Variants in SMYD3 observed in about 807,000 individuals in gnomAD.
SMYD3 encodes the protein SET and MYND domain containing 3, also known as histone-lysine N-methyltransferase SMYD3.
In SMYD3, 36 loss-of-function variants were observed where a neutral mutation model predicts 57.7. The observed-to-expected ratio is 0.62, with a 90% confidence interval of 0.48 to 0.82. SMYD3 has a LOEUF of 0.82. Among genes scored for constraint, SMYD3 ranks in the 40% least tolerant of loss-of-function variants. SMYD3 has a pLI of 0.00. For synonymous variants in SMYD3, 211 were observed against 195.0 expected (o/e 1.08, Z -0.68); for missense variants, 515 against 538.8 (o/e 0.96, Z 0.44).
intron 5 of SMYD3, among the ~76,000 whole-genome samples, chr1:246,039,236 C>T (rs1468120806): frequency 6.6e-6 from 1 of 152,162 alleles, no homozygotes; most frequent in African/African-American, 2.4e-5. Context: ...CAATTGTAGT[C>T]GGTTGCTCTG....
chr1:246,431,511 C>T (rs544801671), intron 1 of SMYD3, among the ~76,000 whole-genome samples: 9 of 152,298 alleles, frequency 5.9e-5, no homozygotes, highest in South Asian at 2.1e-4. Context: ...GGGTGGATGG[C>T]TTGAAGCCAG....
intron 5 of SMYD3, among the ~76,000 whole-genome samples, chr1:246,009,805 C>CTTTTTT (rs74163100): frequency 4.0e-5 from 3 of 75,606 alleles, no homozygotes; most frequent in East Asian, 3.9e-4. Context: ...CATGTAAGAT[C>CTTTTTT]TTTTTTTTTT....
At chr1:246,281,353 C>A (rs2064437524) in intron 5 of SMYD3, among the ~76,000 whole-genome samples, 1 of 152,198 alleles carries the variant, frequency 6.6e-6, no homozygotes, top group South Asian at 2.1e-4. Flanking sequence ...GATTGGCAAC[C>A]TACTATGTGC....
chr1:246,065,199 G>C (rs968235199), intron 5 of SMYD3, among the ~76,000 whole-genome samples: 4 of 152,196 alleles, frequency 2.6e-5, no homozygotes, highest in Non-Finnish European at 4.4e-5. Context: ...TACAAAAAGA[G>C]CTATTTTCCT....
chr1:246,348,947 T>C (rs1398114876), intron 2 of SMYD3, among the ~76,000 whole-genome samples: 1 of 151,786 alleles, frequency 6.6e-6, no homozygotes, highest in Non-Finnish European at 1.5e-5. Flanking sequence ...AATAAAGTAC[T>C]GAGAGAAAAA....
intron 5 of SMYD3, among the ~76,000 whole-genome samples, chr1:246,041,379 G>A (rs1042093427): frequency 3.3e-5 from 5 of 152,174 alleles, no homozygotes; most frequent in Non-Finnish European, 7.3e-5. Context: ...CCTCAGTGCG[G>A]ACTTCAAAAT....
intron 5 of SMYD3, among the ~76,000 whole-genome samples, chr1:246,171,839 C>T (rs2062340225): frequency 6.6e-6 from 1 of 152,012 alleles, no homozygotes; most frequent in African/African-American, 2.4e-5. Context: ...AGCAAGACCT[C>T]AACTCTAGAA....
At chr1:246,488,540 G>T (rs1337232948) in intron 1 of SMYD3, among the ~76,000 whole-genome samples, 1 of 152,152 alleles carries the variant, frequency 6.6e-6, no homozygotes, top group African/African-American at 2.4e-5. Flanking sequence ...TACAAAATTA[G>T]CCAGGTGTGG....
At chr1:246,220,777 G>T (rs992747523) in intron 5 of SMYD3, among the ~76,000 whole-genome samples, 1 of 152,130 alleles carries the variant, frequency 6.6e-6, no homozygotes, top group Non-Finnish European at 1.5e-5. Flanking sequence ...CCCACCCATG[G>T]CCACCTATGG....
intron 5 of SMYD3, among the ~76,000 whole-genome samples, chr1:246,244,464 T>C (rs1371955706): frequency 6.6e-6 from 1 of 152,194 alleles, no homozygotes; most frequent in African/African-American, 2.4e-5. Context: ...ATTTGATGCA[T>C]GCAAAGCAGC....
intron 5 of SMYD3, among the ~76,000 whole-genome samples, chr1:246,223,895 C>T (rs1338824639): frequency 2.0e-5 from 3 of 152,146 alleles, no homozygotes; most frequent in Non-Finnish European, 4.4e-5. Context: ...AACTTAATCA[C>T]ATCATAGCAT....
At chr1:245,967,640 C>CTTA in intron 5 of SMYD3, among the ~76,000 whole-genome samples, 1 of 152,292 alleles carries the variant, frequency 6.6e-6, no homozygotes, top group Admixed American at 6.5e-5. Context: ...CTGGAACAGA[C>CTTA]TTAGTTCAAC....
chr1:246,400,470 A>G (rs1258556381), intron 1 of SMYD3, among the ~76,000 whole-genome samples: 1 of 152,224 alleles, frequency 6.6e-6, no homozygotes, highest in Non-Finnish European at 1.5e-5. Context: ...TCCTGGGCTC[A>G]AGCAGTCCTC....
rs190455065 is a variant in SMYD3 at position 245,802,394 on chromosome 1, T to A, written c.1077-38245A>T. Among the ~76,000 whole-genome samples, 4 of 152,342 alleles carry A rather than the reference T, an allele frequency of 2.6e-5. No individual in the cohort carries two copies. The East Asian group carries it at 7.7e-4, about 29-fold the overall frequency. On this transcript the variant is annotated intron_variant, in intron 10 of 11. Coordinates refer to ENST00000490107, the MANE Select transcript of SMYD3 (RefSeq NM_001167740.2). ...CCCTCTCCCCAAGTCATAAGACAACTCTCTTTTTCCTTTACTACAAATTAT... is the reference window on the plus strand; with the variant it reads ...CCCTCTCCCCAAGTCATAAGACAACACTCTTTTTCCTTTACTACAAATTAT...
intron 10 of SMYD3, among the ~76,000 whole-genome samples, chr1:245,820,719 A>G (rs1461777915): frequency 6.6e-6 from 1 of 151,774 alleles, no homozygotes; most frequent in East Asian, 1.9e-4. Context: ...AAATCAATGT[A>G]CAAAAATCAC....
intron 3 of SMYD3, among the ~76,000 whole-genome samples, chr1:246,331,784 T>C (rs1388816627): frequency 6.6e-6 from 1 of 152,256 alleles, no homozygotes. Flanking sequence ...TTTGTGTCTA[T>C]GTGTGACATT....
At chr1:246,394,577 A>G (rs982147692) in intron 1 of SMYD3, among the ~76,000 whole-genome samples, 2 of 152,252 alleles carry the variant, frequency 1.3e-5, no homozygotes, top group African/African-American at 2.4e-5. Context: ...GAAATCACCA[A>G]TATCAGGCTC....
intron 1 of SMYD3, among the ~76,000 whole-genome samples, chr1:246,365,836 G>C (rs1043572310): frequency 1.3e-5 from 2 of 152,178 alleles, no homozygotes; most frequent in African/African-American, 4.8e-5. Flanking sequence ...GTCCAGCATA[G>C]AATGCCAAGC....
intron 5 of SMYD3, among the ~76,000 whole-genome samples, chr1:246,224,577 T>C (rs1449936379): frequency 6.6e-6 from 1 of 151,780 alleles, no homozygotes; most frequent in East Asian, 1.9e-4. Context: ...CTAATTCATA[T>C]TTTAAAAGGT....
Sources: gnomAD v4.1 joint callset for allele counts (sites outside exome capture counted in the v4.1 genomes callset) on GRCh38, gnomAD v4.1.1 for gene constraint, MANE v1.5 for transcripts, NCBI Gene and HGNC (gene_info 2026-07-23, HGNC 2026-07-21) for gene names.